The following BLOC1S5 variants were observed in gnomAD, a reference collection of about 807,000 sequenced individuals.
The protein encoded by BLOC1S5 is biogenesis of lysosome-related organelles complex 1 subunit 5.
A neutral mutation model predicts 24.3 loss-of-function variants in BLOC1S5; 27 were observed. The ratio of observed to expected loss-of-function variants is 1.11; its 90% CI spans 0.82 to 1.53. BLOC1S5 has a LOEUF of 1.53. Ranked by LOEUF, BLOC1S5 falls within the 40% of genes most tolerant of loss-of-function variation. BLOC1S5 has a pLI of 0.00. For synonymous variants in BLOC1S5, 84 were observed against 74.5 expected, an observed-to-expected ratio of 1.13 and a Z score of -0.66; for missense variants, 239 against 229.4, an observed-to-expected ratio of 1.04 and a Z score of -0.27.
intron 4 of BLOC1S5, among the ~76,000 whole-genome samples, chr6:8,021,663 GAAC>G (rs1486852308): frequency 6.6e-6 from 1 of 151,750 alleles, no homozygotes; most frequent in African/African-American, 2.4e-5. Context: ...GGTGATGGTT[GAAC>G]AACAATGTGA....
chr6:8,048,384 G>C (rs1486479938), intron 2 of BLOC1S5, among the ~76,000 whole-genome samples: 3 of 152,100 alleles, frequency 2.0e-5, no homozygotes, highest in African/African-American at 7.2e-5. Flanking sequence ...ACTTTTATTG[G>C]GTTGGTCATT....
intron 4 of BLOC1S5, among the ~76,000 whole-genome samples, chr6:8,022,401 T>C (rs1283874612): frequency 6.6e-6 from 1 of 151,528 alleles, no homozygotes; most frequent in Non-Finnish European, 1.5e-5. Context: ...GTGTAAAAGG[T>C]CTTTTAGAGC....
At chr6:8,041,848 G>A (rs2743998) in intron 2 of BLOC1S5, 57,556 of 149,678 alleles carry the variant, frequency 0.38, 12,642 homozygotes, top group East Asian at 0.75. Flanking sequence ...GGGTTTCACC[G>A]TGTTAGCCAG....
chr6:8,035,321 A>C (rs75887241), intron 3 of BLOC1S5, among the ~76,000 whole-genome samples: 2,910 of 149,162 alleles, frequency 0.02, 43 homozygotes, highest in Middle Eastern at 0.041. Flanking sequence ...AAGCCTATTA[A>C]AATTTTCAAA....
At chr6:8,020,056 C>T (rs1407276982) in intron 4 of BLOC1S5, among the ~76,000 whole-genome samples, 2 of 152,182 alleles carry the variant, frequency 1.3e-5, no homozygotes, top group Admixed American at 1.3e-4. Flanking sequence ...CCATATTCAC[C>T]ATAATATAAA....
intron 4 of BLOC1S5, among the ~76,000 whole-genome samples, chr6:8,024,773 T>C (rs995290628): frequency 6.6e-6 from 1 of 151,894 alleles, no homozygotes; most frequent in African/African-American, 2.4e-5. Flanking sequence ...GATAGTAAGA[T>C]AACAATTTTC....
intron 4 of BLOC1S5, among the ~76,000 whole-genome samples, chr6:8,017,131 G>A (rs2815163): frequency 0.75 from 113,834 of 152,058 alleles, 43,499 homozygotes; most frequent in East Asian, 0.96. Flanking sequence ...CTTTGAATAC[G>A]TACAATAAAA....
At chr6:8,062,946 A>G (rs1435641589) in intron 1 of BLOC1S5, among the ~76,000 whole-genome samples, 2 of 152,136 alleles carry the variant, frequency 1.3e-5, no homozygotes, top group Admixed American at 1.3e-4. Flanking sequence ...AAAAAACGCA[A>G]AACACCTTAA....
chr6:8,020,354 T>G (rs1184043229), intron 4 of BLOC1S5, among the ~76,000 whole-genome samples: 1 of 152,238 alleles, frequency 6.6e-6, no homozygotes, highest in East Asian at 1.9e-4. Context: ...CATGGACATC[T>G]TGTCGCTTTT....
intron 3 of BLOC1S5, among the ~76,000 whole-genome samples, chr6:8,031,307 A>G (rs2113539441): frequency 6.6e-6 from 1 of 152,344 alleles, no homozygotes; most frequent in Middle Eastern, 3.4e-3. Context: ...AATGTACACA[A>G]ATCAGGAGCA....
chr6:8,023,520 G>A (rs1762997759), intron 4 of BLOC1S5, among the ~76,000 whole-genome samples: 2 of 151,894 alleles, frequency 1.3e-5, no homozygotes, highest in South Asian at 4.1e-4. Flanking sequence ...AACCCGGGAG[G>A]CAGAGATTGC....
intron 3 of BLOC1S5, among the ~76,000 whole-genome samples, chr6:8,040,336 T>C (rs763523776): frequency 1.8e-4 from 28 of 152,224 alleles, no homozygotes; most frequent in Non-Finnish European, 3.1e-4. Flanking sequence ...TAAAGTGCTA[T>C]ATAAATTCGT....
intron 4 of BLOC1S5, among the ~76,000 whole-genome samples, chr6:8,022,363 C>A (rs189566745): frequency 6.6e-6 from 1 of 151,084 alleles, no homozygotes; most frequent in Non-Finnish European, 1.5e-5. Flanking sequence ...ACCTGGTCTA[C>A]GGGAAAACTC....
At chr6:8,057,248 C>A (rs143550313) in intron 2 of BLOC1S5, among the ~76,000 whole-genome samples, 102 of 151,688 alleles carry the variant, frequency 6.7e-4, no homozygotes, top group African/African-American at 2.4e-3. Context: ...AAAGAAAAGA[C>A]AAAAAAACCC....
At chr6:8,024,200 T>C (rs1763028565) in intron 4 of BLOC1S5, among the ~76,000 whole-genome samples, 1 of 151,814 alleles carries the variant, frequency 6.6e-6, no homozygotes, top group Non-Finnish European at 1.5e-5. Flanking sequence ...AAAAATTAGT[T>C]TGAAAATATC....
chr6:8,040,492 T>C (rs190895323), intron 3 of BLOC1S5, among the ~76,000 whole-genome samples: 1 of 152,308 alleles, frequency 6.6e-6, no homozygotes, highest in East Asian at 1.9e-4. Flanking sequence ...TACTAAACAG[T>C]AAAGAATTAT....
chr6:8,019,822 A>C (rs2113512872), intron 4 of BLOC1S5, among the ~76,000 whole-genome samples: 1 of 152,366 alleles, frequency 6.6e-6, no homozygotes, highest in East Asian at 1.9e-4. Flanking sequence ...GACCTACATT[A>C]CATACAATTC....
At chr6:8,061,707 A>G (rs1764521851) in intron 2 of BLOC1S5, among the ~76,000 whole-genome samples, 1 of 152,272 alleles carries the variant, frequency 6.6e-6, no homozygotes, top group South Asian at 2.1e-4. Flanking sequence ...AAACTTACAC[A>G]GAATCACAAA....
chr6:8,016,199 G>A (rs924766172), intron 4 of BLOC1S5, among the ~76,000 whole-genome samples: 6 of 152,078 alleles, frequency 3.9e-5, no homozygotes, highest in African/African-American at 1.4e-4. Context: ...GGTGGCACAT[G>A]GCTGTAGTTC....
Sources: allele counts gnomAD v4.1 joint callset (sites outside exome capture counted in the v4.1 genomes callset), GRCh38; gene constraint gnomAD v4.1.1; transcripts MANE v1.5; gene names NCBI Gene and HGNC (gene_info 2026-07-23, HGNC 2026-07-21).